The following TG variants were observed in gnomAD, a reference collection of about 807,000 sequenced individuals.
TG encodes the protein thyroglobulin, also known as thyroid hormones.
A neutral mutation model predicts 324.7 loss-of-function variants in TG; 270 were observed. The ratio of observed to expected loss-of-function variants is 0.83; its 90% CI spans 0.75 to 0.92. TG has a LOEUF of 0.92. Among genes scored for constraint, TG ranks in the 40% least tolerant of loss-of-function variants. The pLI is 0.00. For synonymous variants in TG, 1,401 were observed against 1,327.0 expected (o/e 1.06, Z -1.21); for missense variants, 3,591 against 3,456.4 (o/e 1.04, Z -0.98).
At chr8:132,935,364 GAAC>G (rs1563974845) in intron 24 of TG, among the ~76,000 whole-genome samples, 1 of 151,552 alleles carries the variant, frequency 6.6e-6, no homozygotes, top group African/African-American at 2.4e-5. Context: ...GGCTGGTCTT[GAAC>G]TCTAGACCCC....
chr8:132,961,264 T>C (rs913298423), intron 28 of TG, among the ~76,000 whole-genome samples, 191 bp downstream of exon 28: 4 of 152,040 alleles, frequency 2.6e-5, no homozygotes, highest in Admixed American at 2.6e-4. Context: ...AAAACAAAAA[T>C]GAATACTGTG....
chr8:132,934,561 G>T (rs114614333), intron 24 of TG, among the ~76,000 whole-genome samples: 2 of 152,010 alleles, frequency 1.3e-5, no homozygotes, highest in Non-Finnish European at 2.9e-5. Flanking sequence ...GCATAAACAC[G>T]AGCTCTTCTC....
chr8:133,034,437 C>T (rs1836899296), intron 41 of TG, among the ~76,000 whole-genome samples: 1 of 152,212 alleles, frequency 6.6e-6, no homozygotes. Context: ...TTTGAAAATA[C>T]TAGTGTTAGG....
Position 132,941,336 on chromosome 8 carries a change from C to A in TG, c.5042-15C>A. The A allele has an allele frequency of 6.2e-7, 1 of 1,614,198 alleles. No individual in the cohort carries two copies. Among genetic ancestry groups the A allele is most frequent in the South Asian group, 1.1e-5 (1 of 91,086 alleles). ...TTTTGAGGTCTTTTAAAATTTTGTTCTGCCTTTCCCCCAGGCCAAGGATCC... is the reference window on the plus strand; with the variant it reads ...TTTTGAGGTCTTTTAAAATTTTGTTATGCCTTTCCCCCAGGCCAAGGATCC... On this transcript the variant is annotated splice_polypyrimidine_tract_variant and intron_variant, in intron 25 of 47. Transcript: ENST00000220616.
intron 41 of TG, among the ~76,000 whole-genome samples, chr8:133,082,532 G>T (rs1231280000): frequency 6.6e-6 from 1 of 152,214 alleles, no homozygotes; most frequent in East Asian, 1.9e-4. Context: ...CTAGCTTGCT[G>T]CAGCAGAGCA....
intron 16 of TG, among the ~76,000 whole-genome samples, chr8:132,903,363 C>A (rs1818201680): frequency 6.6e-6 from 1 of 152,164 alleles, no homozygotes; most frequent in Non-Finnish European, 1.5e-5. Context: ...TAGGAAGATT[C>A]CTAATTCTTG....
chr8:132,868,685 T>A (rs887150601), intron 2 of TG, among the ~76,000 whole-genome samples: 3 of 152,116 alleles, frequency 2.0e-5, no homozygotes, highest in African/African-American at 7.2e-5. Context: ...CCGGACTAGC[T>A]CTCTAGGCTG....
rs149561560 is a variant in TG, at chr8:132,887,226, A to G, written c.1854A>G (p.Pro618=). 12 of 1,609,434 alleles carry G rather than the reference A, an allele frequency of 7.5e-6. No individual in the cohort carries two copies. The African/African-American group carries it at 1.1e-4, about 14-fold the overall frequency. The change falls in exon 9 of 48, where the codon CCA becomes CCG. Residue 618 remains proline (P), a synonymous_variant. Transcript: ENST00000220616. ...CEQTPERLFV[P]SCTTEGSYED... is the part of the protein sequence containing the mutation. Reference sequence around the variant, plus strand: ...AGACACCTGAAAGGCTATTTGTCCCATCATGCACGACAGAAGGAAGCTATG... The same window carrying G: ...AGACACCTGAAAGGCTATTTGTCCCGTCATGCACGACAGAAGGAAGCTATG...
At chr8:133,078,900 A>G (rs559876612) in intron 41 of TG, among the ~76,000 whole-genome samples, 1 of 152,242 alleles carries the variant, frequency 6.6e-6, no homozygotes, top group South Asian at 2.1e-4. Flanking sequence ...CTAGCAGAGG[A>G]GACAGACACA....
At chr8:133,113,977 T>A (rs10095020) in intron 44 of TG, among the ~76,000 whole-genome samples, 2,676 of 152,284 alleles carry the variant, frequency 0.018, 70 homozygotes, top group African/African-American at 0.06. Flanking sequence ...CTCCTGGCCT[T>A]GCATTCACTG....
At chr8:133,094,396 A>T (rs1275921782) in intron 41 of TG, among the ~76,000 whole-genome samples, 4 of 151,462 alleles carry the variant, frequency 2.6e-5, no homozygotes, top group Non-Finnish European at 1.5e-5. Context: ...GCCCGTCACC[A>T]CGCCTGGCTA....
chr8:132,994,839 C>G, intron 35 of TG: 14 of 1,271,948 alleles, frequency 1.1e-5, no homozygotes, highest in Non-Finnish European at 1.4e-5. Flanking sequence ...GGGGCTGGGT[C>G]AGATGATGGA....
At chr8:133,040,629 A>AAAT (rs1838041898) in intron 41 of TG, among the ~76,000 whole-genome samples, 1 of 152,158 alleles carries the variant, frequency 6.6e-6, no homozygotes, top group Non-Finnish European at 1.5e-5. Context: ...CAGGTGGACT[A>AAAT]AATAGATCTC....
chr8:132,976,418 T>G (rs1344505893), intron 34 of TG, among the ~76,000 whole-genome samples: 1 of 152,206 alleles, frequency 6.6e-6, no homozygotes, highest in African/African-American at 2.4e-5. Context: ...TCACCTCTCA[T>G]TACTGTTGCA....
At chr8:133,080,008 G>A (rs1014139619) in intron 41 of TG, among the ~76,000 whole-genome samples, 14 of 152,042 alleles carry the variant, frequency 9.2e-5, no homozygotes, top group South Asian at 2.1e-4. Flanking sequence ...CCTTCAATGT[G>A]TTAGGCATTT....
At chr8:133,010,942 C>T (rs547794878) in intron 35 of TG, among the ~76,000 whole-genome samples, 5 of 152,274 alleles carry the variant, frequency 3.3e-5, no homozygotes, top group South Asian at 4.2e-4. Context: ...CCTGTTCCAC[C>T]GAGCAGGAAC....
In TG at chr8:133,115,481, G is replaced by T. The variant is rs75231140; in HGVS notation, c.7755-1128G>T. On this transcript the variant is annotated intron_variant, in intron 44 of 47. Transcript: ENST00000220616. ...CCACAGTGCCCCACCCAACTTCAGAGCCTCACCTGGGAAGACTCAAGCACC... is the reference window on the plus strand; with the variant it reads ...CCACAGTGCCCCACCCAACTTCAGATCCTCACCTGGGAAGACTCAAGCACC... 9.1e-3 allele frequency among the ~76,000 whole-genome samples: 1,379 copies of T among 152,276 alleles called. 20 individuals carry two copies. The highest frequency in any genetic ancestry group is 0.032 in the African/African-American group (1,317 of 41,544).
intron 41 of TG, chr8:133,073,171 C>T (rs541972439): frequency 9.9e-5 from 15 of 152,274 alleles, no homozygotes; most frequent in Admixed American, 5.2e-4. Flanking sequence ...TGGTGGCCGA[C>T]CCAGAATGTT....
At chr8:133,081,371 G>T (rs185753667) in intron 41 of TG, among the ~76,000 whole-genome samples, 1 of 152,338 alleles carries the variant, frequency 6.6e-6, no homozygotes, top group South Asian at 2.1e-4. Flanking sequence ...TCACCTCTGG[G>T]GAAGACAATA....
Sources: gnomAD v4.1 joint callset for allele counts (sites outside exome capture counted in the v4.1 genomes callset) on GRCh38, gnomAD v4.1.1 for gene constraint, MANE v1.5 for transcripts, NCBI Gene and HGNC (gene_info 2026-07-23, HGNC 2026-07-21) for gene names.